The following ARSG variants were observed in gnomAD, a reference collection of about 807,000 sequenced individuals.
The protein encoded by ARSG is arylsulfatase G.
A neutral mutation model predicts 50.5 loss-of-function variants in ARSG; 37 were observed. That is an observed-to-expected ratio of 0.73 (90% CI 0.56 to 0.96). ARSG has a LOEUF of 0.96. Ranked by LOEUF, ARSG falls within the 50% of genes least tolerant of loss-of-function variation. The pLI, the probability that ARSG is intolerant of heterozygous loss-of-function variation, is 0.00. For missense variants in ARSG, 629 were observed against 675.3 expected (o/e 0.93, Z 0.76); for synonymous variants, 225 against 254.6 (o/e 0.88, Z 1.11).
chr17:68,447,774 C>T, the ARSG span, among the ~76,000 whole-genome samples: 6 of 151,906 alleles, frequency 3.9e-5, no homozygotes, highest in African/African-American at 9.7e-5. Flanking sequence ...GGGTGGATCA[C>T]GAGGTCAGGA....
intron 11 of ARSG, 65 bp downstream of exon 11, chr17:68,401,515 T>C: frequency 6.9e-7 from 1 of 1,452,776 alleles, no homozygotes; most frequent in Admixed American, 1.8e-5. Context: ...CCATGGACTC[T>C]CACCCAGGCC....
intron 10 of ARSG, among the ~76,000 whole-genome samples, chr17:68,396,856 C>A (rs1234067394): frequency 1.3e-5 from 2 of 152,192 alleles, no homozygotes; most frequent in East Asian, 3.9e-4. Context: ...CCCTTCCAGG[C>A]CTAGCCCTTC....
chr17:68,311,258 G>A (rs1422577004), intron 2 of ARSG, among the ~76,000 whole-genome samples: 4 of 152,140 alleles, frequency 2.6e-5, no homozygotes, highest in Admixed American at 1.3e-4. Flanking sequence ...TGTGTGATGG[G>A]TTCATCCTGG....
intron 2 of ARSG, among the ~76,000 whole-genome samples, chr17:68,323,577 C>G (rs543424416): frequency 2.0e-5 from 3 of 152,282 alleles, no homozygotes; most frequent in African/African-American, 7.2e-5. Flanking sequence ...ATGCACTTAT[C>G]TCATCATGGA....
chr17:68,364,624 G>A (rs1468947435), intron 6 of ARSG, among the ~76,000 whole-genome samples: 1 of 152,158 alleles, frequency 6.6e-6, no homozygotes, highest in African/African-American at 2.4e-5. Flanking sequence ...CCTTCCAAAA[G>A]TTCTGGGATT....
rs765788168 is a variant in ARSG, at chr17:68,401,466, C to T, written c.1303+16C>T. 7 of 1,611,300 alleles carry T rather than the reference C, an allele frequency of 4.3e-6. No individual in the cohort carries two copies. The South Asian group carries it at 7.7e-5, about 18-fold the overall frequency. The stretch of plus-strand genomic sequence containing the variant: ...TACATTACCGGTGAGTGAGGGGCCA[C>T]TTAGCCCTGCCTCCCACAGTCACAG... On this transcript the variant is annotated intron_variant, in intron 11 of 11. Coordinates refer to ENST00000621439, the MANE Select transcript of ARSG (RefSeq NM_001267727.2).
Position 68,271,688 on chromosome 17 carries a change from A to G in ARSG, c.-552+12262A>G. On this transcript the variant is annotated intron_variant, in intron 1 of 11. Coordinates refer to the ARSG transcript ENST00000448504. The surrounding 1 kb of genome is among the most constrained non-coding windows in gnomAD (Gnocchi z 5.3). ...GGCAGGAGTGAAGAAGAAATAATAT[A>G]AGGTCAATAATGGACTCAAGACCCA... The G allele has an allele frequency of 6.4e-7, 1 of 1,559,734 alleles. No homozygotes were observed. Among genetic ancestry groups the G allele is most frequent in the Non-Finnish European group, 8.8e-7 (1 of 1,139,142 alleles).
intron 2 of ARSG, among the ~76,000 whole-genome samples, chr17:68,340,663 T>C (rs2078229081): frequency 1.3e-5 from 2 of 152,190 alleles, no homozygotes; most frequent in Non-Finnish European, 2.9e-5. Flanking sequence ...GGTCTTTCTT[T>C]GCTTCCTGGC....
intron 6 of ARSG, among the ~76,000 whole-genome samples, chr17:68,362,799 TAATCA>T: frequency 6.6e-6 from 1 of 152,186 alleles, no homozygotes. Context: ...ACTTTTTAAA[TAATCA>T]TCTTATTTAT....
At chr17:68,322,355 G>A (rs1461646829) in intron 2 of ARSG, among the ~76,000 whole-genome samples, 3 of 152,182 alleles carry the variant, frequency 2.0e-5, no homozygotes, top group African/African-American at 4.8e-5. Context: ...CTGGCCGGGC[G>A]CGGTGGCTCA....
chr17:68,389,574 C>A (rs2080895780), intron 9 of ARSG, among the ~76,000 whole-genome samples: 1 of 152,120 alleles, frequency 6.6e-6, no homozygotes, highest in South Asian at 2.1e-4. Flanking sequence ...GAAAGTACTG[C>A]TCCCACGGCC....
At chr17:68,268,959 T>C in intron 1 of ARSG, 1 of 1,497,140 alleles carries the variant, frequency 6.7e-7, no homozygotes, top group Non-Finnish European at 8.9e-7. Context: ...GGTAGTGCTC[T>C]TCACATACAC....
At chr17:68,432,303 G>T in the ARSG span, among the ~76,000 whole-genome samples, 1 of 152,186 alleles carries the variant, frequency 6.6e-6, no homozygotes, top group Non-Finnish European at 1.5e-5. Flanking sequence ...CAGGCAGCGT[G>T]GGCTTGCTTT....
chr17:68,330,197 G>A (rs918066914), intron 2 of ARSG, among the ~76,000 whole-genome samples: 2 of 151,494 alleles, frequency 1.3e-5, no homozygotes, highest in African/African-American at 4.9e-5. Context: ...GTGGCAGAGT[G>A]AGGCTCCATC....
intron 9 of ARSG, 90 bp downstream of exon 9, chr17:68,385,262 A>AGATGGAGGCATGGGTGGCTG: frequency 3.5e-6 from 4 of 1,153,324 alleles, no homozygotes; most frequent in Admixed American, 3.8e-5. Context: ...ATGGGTGGCT[A>AGATGGAGGCATGGGTGGCTG]GATGGAGGCA....
intron 1 of ARSG, among the ~76,000 whole-genome samples, chr17:68,305,632 A>G (rs1472062914): frequency 2.0e-5 from 3 of 152,146 alleles, no homozygotes; most frequent in Non-Finnish European, 4.4e-5. Flanking sequence ...AATTTTTTGA[A>G]ATTTTTTCTA....
intron 1 of ARSG, among the ~76,000 whole-genome samples, chr17:68,277,352 G>A (rs2075557000): frequency 3.3e-5 from 5 of 152,022 alleles, no homozygotes; most frequent in Admixed American, 1.3e-4. Flanking sequence ...GGCTGGTCTC[G>A]AATTCCTGAC....
At chr17:68,430,176 C>T in the ARSG span, 3 of 1,605,786 alleles carry the variant, frequency 1.9e-6, no homozygotes, top group African/African-American at 4.0e-5. Context: ...GAGTAATGCA[C>T]AGGCAACGAT....
intron 7 of ARSG, among the ~76,000 whole-genome samples, chr17:68,369,499 C>T (rs1464768184): frequency 6.6e-6 from 1 of 151,698 alleles, no homozygotes; most frequent in Non-Finnish European, 1.5e-5. Flanking sequence ...GAGATCGTGT[C>T]ACTGCACTCC....
Sources: allele counts gnomAD v4.1 joint callset (sites outside exome capture counted in the v4.1 genomes callset), GRCh38; gene constraint gnomAD v4.1.1; non-coding constraint Gnocchi (gnomAD v3.1); transcripts MANE v1.5; gene names NCBI Gene and HGNC (gene_info 2026-07-23, HGNC 2026-07-21).